KCNQ2: variants seen among roughly 807,000 people sequenced by gnomAD.
KCNQ2 encodes potassium voltage-gated channel subfamily Q member 2.
A neutral mutation model predicts 84.8 loss-of-function variants in KCNQ2; 14 were observed. That is an observed-to-expected ratio of 0.17 (90% CI 0.11 to 0.26). The LOEUF is 0.26. KCNQ2 is among the 10% of genes least tolerant of loss of function. The pLI, the probability that KCNQ2 is intolerant of heterozygous loss-of-function variation, is 1.00. For missense variants in KCNQ2, 788 were observed against 1,254.0 expected, an observed-to-expected ratio of 0.63 and a Z score of 5.61; for synonymous variants, 599 against 554.1, an observed-to-expected ratio of 1.08 and a Z score of -1.14.
rs556735505 is a variant in KCNQ2, at chr20:63,407,883, G to A, written c.1888-508C>T. The A allele has an allele frequency of 2.9e-5, 6 of 206,862 alleles. No individual in the cohort carries two copies. The highest frequency in any genetic ancestry group is 8.4e-5 in the South Asian group (1 of 11,916). The allele number at this position is 206,862 out of a possible 1,614,324, so 12.8% of individuals were successfully genotyped here. A position where few individuals can be genotyped will look rare whatever the true frequency, so the allele number is the denominator to read the frequency against. On this transcript the variant is annotated intron_variant, in intron 16 of 16. Coordinates refer to ENST00000359125, the MANE Select transcript of KCNQ2 (RefSeq NM_172107.4). The surrounding 1 kb of genome is among the most constrained non-coding windows in gnomAD (Gnocchi z 7.2). ...AAGCCTCCAGCTCCACGGTTGGGGC[G>A]TGTGTTCAGAGCCAGGCCCTCCTGC...
At chr20:63,418,361 C>T (rs2080363818) in intron 12 of KCNQ2, among the ~76,000 whole-genome samples, 1 of 152,238 alleles carries the variant, frequency 6.6e-6, no homozygotes, top group Non-Finnish European at 1.5e-5. Context: ...TGCCACCCTC[C>T]CTCCCAATGG....
Position 63,403,618 on chromosome 20 carries a change from A to G in KCNQ2, c.*3026T>C, listed in dbSNP as rs2079853844. On this transcript the variant is annotated 3_prime_UTR_variant, in exon 17 of 17. Coordinates refer to ENST00000359125, the MANE Select transcript of KCNQ2 (RefSeq NM_172107.4). ...CGTGTACATGTAAGCGTGCATGTGT[A>G]TGCCTGTATGCAGGCATGTGTATGC... is the stretch of plus-strand genomic sequence containing the variant. 1 of 152,390 alleles carries G rather than the reference A, an allele frequency of 6.6e-6. No individual in the cohort carries two copies. The highest frequency in any genetic ancestry group is 1.5e-5 in the Non-Finnish European group (1 of 68,148). The allele number at this position is 152,390 out of a possible 1,614,324, so 9.4% of individuals were successfully genotyped here.
intron 1 of KCNQ2, among the ~76,000 whole-genome samples, chr20:63,452,253 G>A (rs6011835): frequency 0.023 from 3,549 of 152,308 alleles, 160 homozygotes; most frequent in South Asian, 0.17. Context: ...TTCTACCCAC[G>A]TACACCCCGA....
At chr20:63,433,518 C>A in intron 8 of KCNQ2, 3 of 604,594 alleles carry the variant, frequency 5.0e-6, no homozygotes, top group Non-Finnish European at 8.7e-6. Context: ...GGGGCATTTA[C>A]CTTGAGCTCC....
intron 2 of KCNQ2, among the ~76,000 whole-genome samples, chr20:63,445,897 G>A (rs372230353): frequency 2.9e-3 from 81 of 27,608 alleles, no homozygotes; most frequent in African/African-American, 3.8e-3. Flanking sequence ...GAGCTGGGAG[G>A]CCCTGTCTGA....
chr20:63,419,819 G>T, intron 11 of KCNQ2, 147 bp from the exon 12 acceptor site: 1 of 712,256 alleles, frequency 1.4e-6, no homozygotes, highest in East Asian at 2.7e-5. Flanking sequence ...AGCGAGGAAG[G>T]TGCACCATCG....
chr20:63,417,954 C>T (rs2080347594), intron 12 of KCNQ2, among the ~76,000 whole-genome samples: 1 of 152,198 alleles, frequency 6.6e-6, no homozygotes, highest in Non-Finnish European at 1.5e-5. Flanking sequence ...GCCCTGCTGT[C>T]CCGGGTCTCG....
chr20:63,406,625 C>G lies in KCNQ2; in HGVS notation c.*19G>C, dbSNP rs1354744728. 1 of 1,578,454 alleles carries G rather than the reference C, an allele frequency of 6.3e-7. No homozygotes were observed. Among genetic ancestry groups the G allele is most frequent in the African/African-American group, 1.3e-5 (1 of 74,346 alleles). On this transcript the variant is annotated 3_prime_UTR_variant, in exon 17 of 17. Transcript: ENST00000359125. ...GTGCTGAGGAGGGCCGCGGGCGGGT[C>G]CACTGGCCCAGCGCCGCCTCACTTC...
intron 5 of KCNQ2, 34 bp downstream of exon 5, chr20:63,442,372 A>G (rs969550442): frequency 1.2e-6 from 2 of 1,613,646 alleles, no homozygotes; most frequent in African/African-American, 2.7e-5. Context: ...GTGTATCAGC[A>G]GGGAAAGGGA....
chr20:63,414,864 C>T lies in KCNQ2; in HGVS notation c.1525+39G>A, dbSNP rs772976467. ...GTAGCGTGGCCACCACATCCATCCC[C>T]GGAGAGGATGGACCAGGAGAGGATG... On this transcript the variant is annotated intron_variant, in intron 13 of 16. Coordinates refer to ENST00000359125, the MANE Select transcript of KCNQ2 (RefSeq NM_172107.4). The surrounding 1 kb of genome is among the most constrained non-coding windows in gnomAD (Gnocchi z 6.6). The T allele has an allele frequency of 3.6e-5, 58 of 1,599,706 alleles. No homozygotes were observed. The highest frequency in any genetic ancestry group is 1.3e-4 in the South Asian group (12 of 90,800).
rs1474641172 is a variant in KCNQ2, at chr20:63,402,679, A to T, written c.*3965T>A. ...TGGCTGTGCCTCTCCTCCGGGCGGG[A>T]CTTGGGGTGATCAGACCCACAGCTC... On this transcript the variant is annotated 3_prime_UTR_variant, in exon 17 of 17. Transcript: ENST00000359125. 1 of 152,306 alleles carries T rather than the reference A, an allele frequency of 6.6e-6. No homozygotes were observed. The highest frequency in any genetic ancestry group is 2.4e-5 in the African/African-American group (1 of 41,444). The allele number at this position is 152,306 out of a possible 1,614,324, so 9.4% of individuals were successfully genotyped here. A position where few individuals can be genotyped will look rare whatever the true frequency, so the allele number is the denominator to read the frequency against.
intron 12 of KCNQ2, among the ~76,000 whole-genome samples, chr20:63,419,101 C>G (rs1047697014): frequency 6.6e-6 from 1 of 152,012 alleles, no homozygotes; most frequent in Non-Finnish European, 1.5e-5. Context: ...CTCCCCCGTC[C>G]TATTTCCACC....
intron 10 of KCNQ2, 47 bp from the exon 11 acceptor site, chr20:63,424,253 C>A: frequency 6.5e-7 from 1 of 1,550,168 alleles, no homozygotes; most frequent in Non-Finnish European, 8.7e-7. Context: ...ACTCAGCACC[C>A]ATGAGGGTCC....
In KCNQ2 at chr20:63,446,967, G is replaced by A. The variant is rs1275350005; in HGVS notation, c.297-130C>T. ...ACCAGCATGGCCGCGTCTCCAGAAC[G>A]CAGGACCCCACTCCCCACCCACCCC... On this transcript the variant is annotated intron_variant, in intron 1 of 16. Transcript: ENST00000359125. The surrounding 1 kb of genome is among the most constrained non-coding windows in gnomAD (Gnocchi z 5.5). 7 of 812,636 alleles carry A rather than the reference G, an allele frequency of 8.6e-6. No individual in the cohort carries two copies. The highest frequency in any genetic ancestry group is 2.6e-5 in the East Asian group (1 of 38,470). 50.3% of individuals were successfully genotyped at this position (812,636 alleles called of 1,614,324 possible).
In KCNQ2 at chr20:63,408,843, T is replaced by A. The variant is rs1347193991; in HGVS notation, c.1764-307A>T. On this transcript the variant is annotated intron_variant, in intron 15 of 16. Coordinates refer to ENST00000359125, the MANE Select transcript of KCNQ2 (RefSeq NM_172107.4). This position sits in a 1 kb window ranked among gnomAD's most constrained non-coding sequence, Gnocchi z 5.0. ...CGGCTCCTCTCCGTGGGCTCCCGGC[T>A]CCATACCGCCCCCTCCAGCCAGCCC... is the stretch of plus-strand genomic sequence containing the variant. Among the ~76,000 whole-genome samples, 2 of 151,878 alleles carry A rather than the reference T, an allele frequency of 1.3e-5. No individual in the cohort carries two copies. Among genetic ancestry groups the A allele is most frequent in the African/African-American group, 4.8e-5 (2 of 41,330 alleles).
intron 1 of KCNQ2, among the ~76,000 whole-genome samples, 166 bp from the exon 2 acceptor site, chr20:63,447,003 G>A (rs532939172): frequency 9.8e-5 from 14 of 143,282 alleles, no homozygotes; most frequent in Admixed American, 1.4e-4. Context: ...ACCAGAGCTC[G>A]CTCGGGCCAG....
chr20:63,454,791 C>T (rs1053906425), intron 1 of KCNQ2, among the ~76,000 whole-genome samples: 3 of 152,234 alleles, frequency 2.0e-5, no homozygotes, highest in South Asian at 2.1e-4. Context: ...GGAGGCTCCC[C>T]GGGAACACTG....
intron 15 of KCNQ2, chr20:63,412,093 C>T (rs1434494893): frequency 2.1e-5 from 11 of 523,544 alleles, no homozygotes; most frequent in East Asian, 7.2e-5. Flanking sequence ...GACTCGGGAG[C>T]GGGTGGCGGG....
Position 63,446,144 on chromosome 20 carries a change from A to G in KCNQ2, c.387+603T>C. 1 of 283,028 alleles carries G rather than the reference A, an allele frequency of 3.5e-6. No homozygotes were observed. 17.5% of individuals were successfully genotyped at this position (283,028 alleles called of 1,614,324 possible). Reference sequence around the variant, plus strand: ...TGCCTTGAGTTGGGGGGTGCACAGCAGGGCTGAGCTGAGGGAAGGCCCCAG... The same window carrying G: ...TGCCTTGAGTTGGGGGGTGCACAGCGGGGCTGAGCTGAGGGAAGGCCCCAG... On this transcript the variant is annotated intron_variant, in intron 2 of 16. Coordinates refer to ENST00000359125, the MANE Select transcript of KCNQ2 (RefSeq NM_172107.4). This position sits in a 1 kb window ranked among gnomAD's most constrained non-coding sequence, Gnocchi z 5.5.
Sources: allele counts gnomAD v4.1 joint callset (sites outside exome capture counted in the v4.1 genomes callset), GRCh38; gene constraint gnomAD v4.1.1; non-coding constraint Gnocchi (gnomAD v3.1); transcripts MANE v1.5; gene names NCBI Gene and HGNC (gene_info 2026-07-23, HGNC 2026-07-21).